Variants in MCU observed in about 807,000 individuals in gnomAD.
The protein encoded by MCU is mitochondrial calcium uniporter, also known as calcium uniporter protein, mitochondrial.
In MCU, 12 loss-of-function variants were observed where a neutral mutation model predicts 45.2. That is an observed-to-expected ratio of 0.27 (90% CI 0.17 to 0.43). MCU has a LOEUF of 0.43. Ranked by LOEUF, MCU falls within the 20% of genes least tolerant of loss-of-function variation. MCU has a pLI of 1.00. For synonymous variants in MCU, 160 were observed against 165.1 expected, an observed-to-expected ratio of 0.97 and a Z score of 0.24; for missense variants, 324 against 436.7, an observed-to-expected ratio of 0.74 and a Z score of 2.30.
chr10:72,870,993 T>C (rs1206165750), intron 5 of MCU, among the ~76,000 whole-genome samples: 1 of 152,162 alleles, frequency 6.6e-6, no homozygotes, highest in African/African-American at 2.4e-5. Flanking sequence ...CTCCAGTTCC[T>C]GGGCTCAAGC....
chr10:72,870,360 G>C (rs1018639790), intron 5 of MCU, among the ~76,000 whole-genome samples: 4 of 152,022 alleles, frequency 2.6e-5, no homozygotes, highest in Non-Finnish European at 2.9e-5. Context: ...CTCACTGCAG[G>C]CTCCACCTCC....
intron 1 of MCU, among the ~76,000 whole-genome samples, chr10:72,760,936 A>G (rs1390729592): frequency 2.0e-5 from 3 of 152,040 alleles, no homozygotes; most frequent in Non-Finnish European, 4.4e-5. Context: ...CTGAAATTCA[A>G]ACATAGTCTC....
In MCU at chr10:72,789,151, C is replaced by T. The variant is rs577817844; in HGVS notation, c.151-45208C>T. Among the ~76,000 whole-genome samples the T allele has an allele frequency of 2.4e-4, 36 of 152,222 alleles. No homozygotes were observed. The South Asian group carries it at 7.5e-3, about 32-fold the overall frequency. On this transcript the variant is annotated intron_variant, in intron 1 of 7. Coordinates refer to ENST00000373053, the MANE Select transcript of MCU (RefSeq NM_138357.3). ...GAGGGCCAGCTTGTAACTTCTAATT[C>T]CTTTTCCTTGGGTGACTGTACCAGT...
chr10:72,804,746 A>G (rs778030535), intron 1 of MCU, among the ~76,000 whole-genome samples: 148 of 152,310 alleles, frequency 9.7e-4, no homozygotes, highest in Non-Finnish European at 1.7e-3. Flanking sequence ...AAAACAAAGT[A>G]TGTTGCATTG....
chr10:72,875,718 A>C (rs1845607118), intron 6 of MCU, among the ~76,000 whole-genome samples: 1 of 152,224 alleles, frequency 6.6e-6, no homozygotes, highest in Admixed American at 6.5e-5. Flanking sequence ...TAAGATGGCA[A>C]GCTCCTTGAA....
chr10:72,736,337 C>G (rs2132690809), intron 1 of MCU: 1 of 152,298 alleles, frequency 6.6e-6, no homozygotes, highest in Admixed American at 6.5e-5. Context: ...TTTGGATTAT[C>G]AGATAACTAG....
intron 4 of MCU, among the ~76,000 whole-genome samples, chr10:72,862,138 C>T (rs1322338620): frequency 2.0e-5 from 3 of 151,988 alleles, no homozygotes; most frequent in Non-Finnish European, 4.4e-5. Flanking sequence ...CCCGCCACCA[C>T]GCCTGGCTAA....
chr10:72,808,396 T>C (rs1048608593), intron 1 of MCU, among the ~76,000 whole-genome samples: 6 of 152,238 alleles, frequency 3.9e-5, no homozygotes, highest in Non-Finnish European at 8.8e-5. Flanking sequence ...AAATATTTCA[T>C]AATTTTGACT....
intron 1 of MCU, among the ~76,000 whole-genome samples, chr10:72,716,490 C>T (rs539747598): frequency 6.6e-6 from 1 of 152,298 alleles, no homozygotes; most frequent in East Asian, 1.9e-4. Context: ...TATTCTCTGT[C>T]TTTCACACTG....
chr10:72,808,842 C>T (rs1844495079), intron 1 of MCU, among the ~76,000 whole-genome samples: 1 of 152,124 alleles, frequency 6.6e-6, no homozygotes, highest in Non-Finnish European at 1.5e-5. Flanking sequence ...CGTGAGAACT[C>T]ACTCACTCTC....
At chr10:72,833,774 G>C (rs71479461) in intron 1 of MCU, among the ~76,000 whole-genome samples, 1 of 152,372 alleles carries the variant, frequency 6.6e-6, no homozygotes, top group South Asian at 2.1e-4. Context: ...GGAAGTAGTA[G>C]AGGTGGATGT....
intron 2 of MCU, among the ~76,000 whole-genome samples, chr10:72,843,704 G>T (rs1288191345): frequency 6.6e-6 from 1 of 152,080 alleles, no homozygotes; most frequent in Non-Finnish European, 1.5e-5. Flanking sequence ...ATTTTTGTAA[G>T]AAAACACCAA....
At chr10:72,873,081 C>T (rs1412738144) in intron 6 of MCU, among the ~76,000 whole-genome samples, 29 of 140,114 alleles carry the variant, frequency 2.1e-4, no homozygotes, top group Non-Finnish European at 3.9e-4. Flanking sequence ...TACAATGGCA[C>T]GATCTCGGCT....
rs1843923307 is a variant in MCU at position 72,778,062 on chromosome 10, G to A, written c.151-56297G>A. Among the ~76,000 whole-genome samples, 4 of 152,090 alleles carry A rather than the reference G, an allele frequency of 2.6e-5. 1 individual carries two copies. In the South Asian group the frequency reaches 6.2e-4, roughly 24 times the overall value. On this transcript the variant is annotated intron_variant, in intron 1 of 7. Transcript: ENST00000373053. ...AGTATGTCTAGAAAAGGGAACCCTC[G>A]TAAACTGTTCTTGGGAATGTAAATT...
At chr10:72,767,358 A>G (rs1292252566) in intron 1 of MCU, among the ~76,000 whole-genome samples, 6 of 152,212 alleles carry the variant, frequency 3.9e-5, no homozygotes, top group Admixed American at 3.9e-4. Flanking sequence ...CAGAGATTAC[A>G]TAGGACTATG....
intron 4 of MCU, among the ~76,000 whole-genome samples, chr10:72,863,260 T>C (rs747655848): frequency 3.9e-5 from 6 of 152,220 alleles, no homozygotes; most frequent in Non-Finnish European, 7.3e-5. Flanking sequence ...ATGATTAATC[T>C]CTTCTCTGAA....
intron 1 of MCU, among the ~76,000 whole-genome samples, chr10:72,778,604 C>T (rs184541514): frequency 6.6e-6 from 1 of 152,198 alleles, no homozygotes; most frequent in Admixed American, 6.5e-5. Flanking sequence ...ATGTTGATAA[C>T]TTAATTGATT....
At chr10:72,884,503 T>G in intron 7 of MCU, 121 bp downstream of exon 7, 1 of 636,572 alleles carries the variant, frequency 1.6e-6, no homozygotes, top group Non-Finnish European at 2.8e-6. Flanking sequence ...CTTCTTCCTG[T>G]ATAAATTATT....
At chr10:72,855,395 T>C (rs1845272312) in intron 2 of MCU, among the ~76,000 whole-genome samples, 1 of 151,752 alleles carries the variant, frequency 6.6e-6, no homozygotes. Context: ...CTGGGCAACA[T>C]AGTGAGACCC....
Sources: gnomAD v4.1 joint callset for allele counts (sites outside exome capture counted in the v4.1 genomes callset) on GRCh38, gnomAD v4.1.1 for gene constraint, MANE v1.5 for transcripts, NCBI Gene and HGNC (gene_info 2026-07-23, HGNC 2026-07-21) for gene names.